Variants in SPICE1 observed in about 807,000 individuals in gnomAD.
SPICE1 encodes the protein spindle and centriole-associated protein 1.
Under a neutral mutation model 102.7 loss-of-function variants are expected in SPICE1, and 75 were observed. The observed-to-expected ratio is 0.73, with a 90% CI of 0.61 to 0.88. The LOEUF (loss-of-function observed/expected upper bound fraction) is 0.88, where lower values mean the gene tolerates loss of function less well. Among genes scored for constraint, SPICE1 ranks in the 40% least tolerant of loss-of-function variants. SPICE1 has a pLI of 0.00. For synonymous variants in SPICE1, 308 were observed against 350.3 expected (o/e 0.88, Z 1.35); for missense variants, 979 against 1,020.1 (o/e 0.96, Z 0.55).
At chr3:113,502,102 G>A (rs535778891) in intron 3 of SPICE1, among the ~76,000 whole-genome samples, 5 of 152,312 alleles carry the variant, frequency 3.3e-5, no homozygotes, top group South Asian at 2.1e-4. Context: ...TGAGCTGGGC[G>A]TGGTGGCTCA....
In SPICE1 at chr3:113,453,843, C is replaced by G. The variant is rs750742468; in HGVS notation, c.1765G>C (p.Asp589His). The change falls in exon 14 of 18, where the codon GAC becomes CAC. Residue 589 changes from aspartate (D) to histidine (H), a missense_variant. Transcript: ENST00000295872. ...TTCTCTTCACTTGAATTCTGAATGT[C>G]TGTATCAATAGGTAAGGTCTTCTCT... ...WEEKTLPIDT[D>H]IQNSSEENRL... is the part of the protein sequence containing the mutation. 1 of 1,614,188 alleles carries G rather than the reference C, an allele frequency of 6.2e-7. No individual in the cohort carries two copies. Among genetic ancestry groups the G allele is most frequent in the Non-Finnish European group, 8.5e-7 (1 of 1,180,036 alleles).
Position 113,453,695 on chromosome 3 carries a change from G to A in SPICE1, c.1913C>T (p.Ser638Leu), listed in dbSNP as rs1935713262. The A allele has an allele frequency of 6.2e-7, 1 of 1,614,114 alleles. No homozygotes were observed. Among genetic ancestry groups the A allele is most frequent in the Non-Finnish European group, 8.5e-7 (1 of 1,180,022 alleles). The change falls in exon 14 of 18, where the codon TCA becomes TTA. Residue 638 changes from serine (S) to leucine (L), a missense_variant. Physicochemically the swap from Ser to Leu is moderately radical, Grantham distance 145 (BLOSUM62 -2). Coordinates refer to ENST00000295872, the MANE Select transcript of SPICE1 (RefSeq NM_144718.4). ...LCNSHSNTQQSRSPTFSEELP... is the reference protein window; with the variant it reads ...LCNSHSNTQQLRSPTFSEELP... ...CTCTTCTGAGAATGTGGGGCTTCTT[G>A]ACTGTTGAGTGTTGGAATGGGAATT...
chr3:113,459,948 G>A (rs1935887576), intron 12 of SPICE1: 1 of 983,982 alleles, frequency 1.0e-6, no homozygotes, highest in African/African-American at 1.8e-5. Context: ...TAGCCAATGA[G>A]TTTACCTCAT....
intron 4 of SPICE1, among the ~76,000 whole-genome samples, chr3:113,494,519 C>A (rs1936837811): frequency 1.3e-5 from 2 of 151,634 alleles, no homozygotes; most frequent in Non-Finnish European, 2.9e-5. Flanking sequence ...TGGTAGCGGG[C>A]GCCTGTAGTC....
chr3:113,468,119 T>C lies in SPICE1; in HGVS notation c.1155+20A>G. On this transcript the variant is annotated intron_variant, in intron 10 of 17. Coordinates refer to ENST00000295872, the MANE Select transcript of SPICE1 (RefSeq NM_144718.4). ...GCATTTCTGCCTGAAAAGAAGACTC[T>C]ACTAACCTAATGTCCTTACCTCTTT... The C allele has an allele frequency of 6.2e-7, 1 of 1,608,934 alleles. No homozygotes were observed. Among genetic ancestry groups the C allele is most frequent in the Non-Finnish European group, 8.5e-7 (1 of 1,176,596 alleles).
chr3:113,491,504 A>G (rs1469612183), intron 6 of SPICE1, among the ~76,000 whole-genome samples: 1 of 151,810 alleles, frequency 6.6e-6, no homozygotes, highest in Non-Finnish European at 1.5e-5. Flanking sequence ...AGGCGCCTGT[A>G]GTCCCAGCTA....
intron 12 of SPICE1, 120 bp from the exon 13 acceptor site, chr3:113,457,477 T>A (rs1184172222): frequency 2.1e-6 from 2 of 938,262 alleles, no homozygotes; most frequent in African/African-American, 3.3e-5. Context: ...TCAACATAGC[T>A]CCTGGAGCCT....
intron 16 of SPICE1, 100 bp downstream of exon 16, chr3:113,447,938 G>T: frequency 9.3e-7 from 1 of 1,072,964 alleles, no homozygotes; most frequent in South Asian, 2.0e-5. Flanking sequence ...CTCAACCTAA[G>T]TCAGATACTG....
rs531006367 is a variant in SPICE1, at chr3:113,451,969, G to A, written c.2143-1453C>T. Among the ~76,000 whole-genome samples the A allele has an allele frequency of 7.9e-5, 12 of 152,194 alleles. No homozygotes were observed. The South Asian group carries it at 1.7e-3, about 21-fold the overall frequency. ...CCTTATGAACACAGCCACCTCACGA[G>A]CTTCTAATCCCCAGTGACAGTGCCC... On this transcript the variant is annotated intron_variant, in intron 14 of 17. Coordinates refer to ENST00000295872, the MANE Select transcript of SPICE1 (RefSeq NM_144718.4).
chr3:113,505,674 G>A (rs1026461577), intron 2 of SPICE1, among the ~76,000 whole-genome samples: 2 of 152,312 alleles, frequency 1.3e-5, no homozygotes, highest in Admixed American at 6.5e-5. Flanking sequence ...GCGAAGGCAC[G>A]AGGATCGCTT....
intron 7 of SPICE1, among the ~76,000 whole-genome samples, chr3:113,473,329 C>T (rs1376678642): frequency 2.0e-5 from 3 of 152,022 alleles, no homozygotes; most frequent in Non-Finnish European, 2.9e-5. Context: ...CTGAAAGTGA[C>T]AGGGAGAATG....
At chr3:113,473,156 T>G (rs1027377001) in intron 7 of SPICE1, among the ~76,000 whole-genome samples, 2 of 151,918 alleles carry the variant, frequency 1.3e-5, no homozygotes, top group Non-Finnish European at 2.9e-5. Context: ...CCTCAGGAGC[T>G]AATGCGATCA....
intron 12 of SPICE1, among the ~76,000 whole-genome samples, chr3:113,458,617 C>T (rs1044011578): frequency 4.6e-5 from 7 of 152,342 alleles, no homozygotes; most frequent in Admixed American, 4.6e-4. Context: ...AGATTGCAGC[C>T]TCTGCCCGGC....
intron 4 of SPICE1, among the ~76,000 whole-genome samples, chr3:113,495,452 G>A (rs893247623): frequency 1.3e-5 from 2 of 152,212 alleles, no homozygotes; most frequent in African/African-American, 2.4e-5. Context: ...GGCTGACTCA[G>A]TGAGAAGAAA....
At chr3:113,502,621 A>T (rs1448338888) in intron 3 of SPICE1, among the ~76,000 whole-genome samples, 1 of 150,466 alleles carries the variant, frequency 6.6e-6, no homozygotes, top group African/African-American at 2.4e-5. Flanking sequence ...CACTTTAAAC[A>T]GGTAAATTTC....
chr3:113,482,176 T>A (rs1012857428), intron 7 of SPICE1, among the ~76,000 whole-genome samples: 5 of 152,362 alleles, frequency 3.3e-5, no homozygotes, highest in African/African-American at 1.2e-4. Flanking sequence ...ATGATGAGCT[T>A]TTTTTCGTAT....
At chr3:113,458,549 T>C (rs1227758018) in intron 12 of SPICE1, among the ~76,000 whole-genome samples, 1 of 152,156 alleles carries the variant, frequency 6.6e-6, no homozygotes, top group Admixed American at 6.5e-5. Flanking sequence ...AGTGGCGTGA[T>C]TTCGGCTCGC....
chr3:113,478,184 A>C (rs1485070171), intron 7 of SPICE1, among the ~76,000 whole-genome samples: 1 of 152,170 alleles, frequency 6.6e-6, no homozygotes, highest in African/African-American at 2.4e-5. Flanking sequence ...AGTACTATAA[A>C]ATAATGTGAT....
At chr3:113,445,607 T>C (rs1576618233) in intron 17 of SPICE1, among the ~76,000 whole-genome samples, 1 of 152,316 alleles carries the variant, frequency 6.6e-6, no homozygotes, top group African/African-American at 2.4e-5. Flanking sequence ...CAGTGTTTTA[T>C]AGCTATCATA....
Sources: allele counts gnomAD v4.1 joint callset (sites outside exome capture counted in the v4.1 genomes callset), GRCh38; gene constraint gnomAD v4.1.1; transcripts MANE v1.5; gene names NCBI Gene and HGNC (gene_info 2026-07-23, HGNC 2026-07-21).